THEMIS: variants seen among roughly 807,000 people sequenced by gnomAD.
The protein encoded by THEMIS is protein THEMIS.
THEMIS carries 37 observed loss-of-function variants against 52.6 expected under a neutral mutation model. The ratio of observed to expected loss-of-function variants is 0.70; its 90% CI spans 0.54 to 0.93. The LOEUF (loss-of-function observed/expected upper bound fraction) is 0.93, where lower values mean the gene tolerates loss of function less well. THEMIS is among the 40% of genes least tolerant of loss of function. The pLI, the probability that THEMIS is intolerant of heterozygous loss-of-function variation, is 0.00. For missense variants in THEMIS, 808 were observed against 763.1 expected (o/e 1.06, Z -0.69); for synonymous variants, 292 against 272.7 (o/e 1.07, Z -0.70).
At chr6:127,775,076 C>T (rs1013925079) in intron 4 of THEMIS, among the ~76,000 whole-genome samples, 1 of 152,150 alleles carries the variant, frequency 6.6e-6, no homozygotes, top group African/African-American at 2.4e-5. Context: ...TACCATTTCA[C>T]CTGGCTCAGG....
intron 1 of THEMIS, among the ~76,000 whole-genome samples, chr6:127,872,751 C>A (rs891219707): frequency 6.6e-6 from 1 of 152,104 alleles, no homozygotes; most frequent in African/African-American, 2.4e-5. Context: ...TCCACTCTAA[C>A]CACTCTTATG....
At chr6:127,826,520 T>C (rs554198602) in intron 3 of THEMIS, among the ~76,000 whole-genome samples, 257 of 152,246 alleles carry the variant, frequency 1.7e-3, no homozygotes, top group African/African-American at 5.6e-3. Context: ...TGAGAGGCAT[T>C]GAGATTTTTT....
chr6:127,721,219 T>G (rs555731067), intron 4 of THEMIS, among the ~76,000 whole-genome samples: 85 of 152,046 alleles, frequency 5.6e-4, no homozygotes, highest in African/African-American at 1.9e-3. Context: ...GTGAAACCAG[T>G]CTAGATCATC....
intron 4 of THEMIS, among the ~76,000 whole-genome samples, chr6:127,760,185 G>C (rs898162645): frequency 6.6e-6 from 1 of 151,018 alleles, no homozygotes; most frequent in Admixed American, 6.6e-5. Flanking sequence ...TCAAAGATAC[G>C]TTGACCATAT....
intron 1 of THEMIS, among the ~76,000 whole-genome samples, chr6:127,907,421 G>T (rs1196137556): frequency 7.7e-6 from 1 of 130,410 alleles, no homozygotes; most frequent in Non-Finnish European, 1.6e-5. Context: ...GGCAGCTCAA[G>T]ATTTGTATCT....
In THEMIS at chr6:127,778,979, T is replaced by A. The variant is rs1403296245; in HGVS notation, c.1758+33904A>T. Among the ~76,000 whole-genome samples, 3 of 152,126 alleles carry A rather than the reference T, an allele frequency of 2.0e-5. No homozygotes were observed. The East Asian group carries it at 5.8e-4, about 29-fold the overall frequency. On this transcript the variant is annotated intron_variant, in intron 4 of 5. Transcript: ENST00000368248. ...CAGATTCATCTAATTCAGGAGCAAC[T>A]TCATGTGTTATATCTGCAGGATGTA...
upstream of THEMIS, among the ~76,000 whole-genome samples, chr6:127,904,057 A>C (rs530830511): frequency 7.2e-4 from 110 of 152,164 alleles, no homozygotes; most frequent in Non-Finnish European, 1.4e-3. Context: ...GCACCAAGAG[A>C]GAGTCTGAGA....
intron 2 of THEMIS, among the ~76,000 whole-genome samples, chr6:127,843,248 TA>T (rs1414436505): frequency 6.6e-6 from 1 of 151,970 alleles, no homozygotes; most frequent in Non-Finnish European, 1.5e-5. Context: ...ATTATGGCAT[TA>T]ACGTTGATTG....
intron 1 of THEMIS, among the ~76,000 whole-genome samples, chr6:127,898,917 A>T (rs1419509253): frequency 2.0e-5 from 3 of 151,828 alleles, no homozygotes; most frequent in Non-Finnish European, 4.4e-5. Flanking sequence ...AGCTAAAAAA[A>T]TTGATATCAT....
At chr6:127,742,325 A>AC (rs555168999) in intron 4 of THEMIS, among the ~76,000 whole-genome samples, 3,329 of 148,744 alleles carry the variant, frequency 0.022, 96 homozygotes, top group Non-Finnish European at 0.03. Context: ...AAAAAAAAAA[A>AC]AAACAAACAA....
At chr6:127,912,843 C>T (rs1349685903) in intron 1 of THEMIS, among the ~76,000 whole-genome samples, 1 of 152,116 alleles carries the variant, frequency 6.6e-6, no homozygotes, top group Non-Finnish European at 1.5e-5. Context: ...TATAATAGTG[C>T]CTGTAGGCCA....
At chr6:127,825,131 A>T (rs1778464428) in intron 3 of THEMIS, among the ~76,000 whole-genome samples, 1 of 152,198 alleles carries the variant, frequency 6.6e-6, no homozygotes, top group African/African-American at 2.4e-5. Flanking sequence ...GAGGTAAACA[A>T]AAGACAAAAA....
intron 2 of THEMIS, among the ~76,000 whole-genome samples, chr6:127,849,295 T>C (rs1779336694): frequency 6.6e-6 from 1 of 152,070 alleles, no homozygotes; most frequent in Non-Finnish European, 1.5e-5. Context: ...ATCACTGTTT[T>C]GGTACCAGTC....
intron 1 of THEMIS, among the ~76,000 whole-genome samples, chr6:127,915,963 G>A (rs1781516879): frequency 2.0e-5 from 3 of 152,030 alleles, no homozygotes; most frequent in Non-Finnish European, 4.4e-5. Context: ...ATCCAGCCTT[G>A]GTGACAGAGC....
chr6:127,860,380 G>C (rs570187481), intron 1 of THEMIS, among the ~76,000 whole-genome samples: 1 of 152,088 alleles, frequency 6.6e-6, no homozygotes, highest in African/African-American at 2.4e-5. Context: ...ATCTTTCCAG[G>C]CCATAGAGAC....
intron 4 of THEMIS, among the ~76,000 whole-genome samples, chr6:127,769,971 C>T (rs1320384508): frequency 6.6e-6 from 1 of 152,178 alleles, no homozygotes; most frequent in African/African-American, 2.4e-5. Flanking sequence ...TTTATGGATA[C>T]ATAGTATTCC....
At position 127,723,092 on chromosome 6, in the gene THEMIS, C is replaced by A. The variant is rs114716023; in HGVS notation, c.1759-3269G>T. On this transcript the variant is annotated intron_variant, in intron 4 of 5. Coordinates refer to ENST00000368248, the MANE Select transcript of THEMIS (RefSeq NM_001010923.3). Reference sequence around the variant, plus strand: ...TTTATTCTCTCCACTCCAGCCAAATCTCCTTCTCCAAGACTGCTTTTTCCA... The same window carrying A: ...TTTATTCTCTCCACTCCAGCCAAATATCCTTCTCCAAGACTGCTTTTTCCA... Among the ~76,000 whole-genome samples, 963 of 152,156 alleles carry A rather than the reference C, an allele frequency of 6.3e-3. 14 individuals carry two copies. Among genetic ancestry groups the A allele is most frequent in the African/African-American group, 0.022 (931 of 41,542 alleles).
chr6:127,802,136 G>A (rs1221346061), intron 4 of THEMIS, among the ~76,000 whole-genome samples: 1 of 152,186 alleles, frequency 6.6e-6, no homozygotes, highest in Non-Finnish European at 1.5e-5. Flanking sequence ...GGAAATGCCT[G>A]ATCTTCCTTG....
At chr6:127,809,591 A>G (rs1314718536) in intron 4 of THEMIS, among the ~76,000 whole-genome samples, 1 of 152,146 alleles carries the variant, frequency 6.6e-6, no homozygotes, top group Non-Finnish European at 1.5e-5. Context: ...CTATTCATAA[A>G]CAAAGAACTG....
Sources: gnomAD v4.1 joint callset for allele counts (sites outside exome capture counted in the v4.1 genomes callset) on GRCh38, gnomAD v4.1.1 for gene constraint, MANE v1.5 for transcripts, NCBI Gene and HGNC (gene_info 2026-07-23, HGNC 2026-07-21) for gene names.